The following RPS6KC1 variants were observed in gnomAD, a reference collection of about 807,000 sequenced individuals.
RPS6KC1 encodes the protein ribosomal protein S6 kinase C1.
In RPS6KC1, 54 loss-of-function variants were observed where a neutral mutation model predicts 103.8. That is an observed-to-expected ratio of 0.52 (90% CI 0.42 to 0.65). The LOEUF is 0.65. Among genes scored for constraint, RPS6KC1 ranks in the 30% least tolerant of loss-of-function variants. RPS6KC1 has a pLI of 0.00. For missense variants in RPS6KC1, 1,151 were observed against 1,253.8 expected (o/e 0.92, Z 1.24); for synonymous variants, 439 against 438.7 (o/e 1.00, Z -0.01).
intron 5 of RPS6KC1, among the ~76,000 whole-genome samples, chr1:213,128,169 T>C (rs574638744): frequency 2.6e-5 from 4 of 152,304 alleles, no homozygotes; most frequent in Non-Finnish European, 5.9e-5. Context: ...TGACAACAGA[T>C]TGTGAGCAGA....
the RPS6KC1 span, among the ~76,000 whole-genome samples, chr1:213,574,053 G>A: frequency 6.6e-6 from 1 of 152,238 alleles, no homozygotes; most frequent in Non-Finnish European, 1.5e-5. Context: ...GGTAAGGAGT[G>A]CAAATCAGAA....
chr1:213,198,062 C>G (rs1002328170), intron 8 of RPS6KC1, among the ~76,000 whole-genome samples: 6 of 151,822 alleles, frequency 4.0e-5, no homozygotes, highest in Non-Finnish European at 8.8e-5. Context: ...GAGATGTATG[C>G]TTTAAGAAGG....
chr1:213,521,672 G>T, the RPS6KC1 span, among the ~76,000 whole-genome samples: 1,657 of 152,196 alleles, frequency 0.011, 26 homozygotes, highest in African/African-American at 0.035. Context: ...TTAAATTCTT[G>T]TTGTTATTTC....
chr1:213,695,655 C>A, the RPS6KC1 span, among the ~76,000 whole-genome samples: 1 of 152,234 alleles, frequency 6.6e-6, no homozygotes, highest in South Asian at 2.1e-4. Context: ...TATAGGATCA[C>A]AGGTCCAGCT....
At chr1:213,494,640 A>G in the RPS6KC1 span, among the ~76,000 whole-genome samples, 1 of 152,172 alleles carries the variant, frequency 6.6e-6, no homozygotes, top group East Asian at 1.9e-4. Flanking sequence ...GAAAAATATG[A>G]GCAAGAAAAT....
chr1:213,484,206 A>G, the RPS6KC1 span, among the ~76,000 whole-genome samples: 29 of 152,264 alleles, frequency 1.9e-4, no homozygotes, highest in Non-Finnish European at 2.5e-4. Flanking sequence ...CTATCACTGC[A>G]TAACCAGTTA....
At chr1:213,203,039 G>A (rs1005730826) in intron 8 of RPS6KC1, among the ~76,000 whole-genome samples, 5 of 151,790 alleles carry the variant, frequency 3.3e-5, no homozygotes, top group Admixed American at 2.6e-4. Flanking sequence ...GGAGATTATG[G>A]GTCAAACAGT....
At chr1:213,795,459 A>G in the RPS6KC1 span, among the ~76,000 whole-genome samples, 3 of 152,194 alleles carry the variant, frequency 2.0e-5, 1 homozygote, top group Admixed American at 1.3e-4. Flanking sequence ...AAATGAATAG[A>G]TGCTTTCTCT....
At chr1:213,728,004 A>G in the RPS6KC1 span, among the ~76,000 whole-genome samples, 7 of 152,186 alleles carry the variant, frequency 4.6e-5, no homozygotes, top group African/African-American at 1.7e-4. Flanking sequence ...GACAAAGGGA[A>G]GAGAGTCACA....
chr1:213,837,594 A>T, the RPS6KC1 span, among the ~76,000 whole-genome samples: 1 of 152,146 alleles, frequency 6.6e-6, no homozygotes, highest in Non-Finnish European at 1.5e-5. Flanking sequence ...AGAGACACAC[A>T]AGCAGAATTT....
intron 10 of RPS6KC1, among the ~76,000 whole-genome samples, chr1:213,235,558 G>A (rs746138852): frequency 1.3e-5 from 2 of 152,130 alleles, no homozygotes; most frequent in Non-Finnish European, 2.9e-5. Context: ...AGGGAGCATT[G>A]TGGATATGTA....
downstream of RPS6KC1, among the ~76,000 whole-genome samples, chr1:213,275,766 A>G (rs187521823): frequency 2.7e-4 from 41 of 152,308 alleles, no homozygotes; most frequent in African/African-American, 9.6e-4. Flanking sequence ...GTAATATACA[A>G]TATGTCGTTA....
chr1:213,793,933 C>T, the RPS6KC1 span, among the ~76,000 whole-genome samples: 6 of 151,910 alleles, frequency 3.9e-5, no homozygotes, highest in Non-Finnish European at 5.9e-5. Flanking sequence ...GTGATAATAA[C>T]GAAGACAGTG....
the RPS6KC1 span, among the ~76,000 whole-genome samples, chr1:213,779,763 G>T: frequency 1.3e-5 from 2 of 152,146 alleles, no homozygotes; most frequent in Admixed American, 1.3e-4. Context: ...TAGTCAAAAG[G>T]GTGGAACTAG....
the RPS6KC1 span, among the ~76,000 whole-genome samples, chr1:213,514,927 G>A: frequency 6.6e-6 from 1 of 152,130 alleles, no homozygotes; most frequent in African/African-American, 2.4e-5. Flanking sequence ...CATTCTAACT[G>A]GTGTGGGATG....
the RPS6KC1 span, among the ~76,000 whole-genome samples, chr1:213,318,256 C>T: frequency 0.038 from 5,789 of 152,288 alleles, 362 homozygotes; most frequent in African/African-American, 0.13. Flanking sequence ...TTTACAGCTG[C>T]GTTTTCCTCT....
At chr1:213,601,191 G>T in the RPS6KC1 span, among the ~76,000 whole-genome samples, 1 of 151,908 alleles carries the variant, frequency 6.6e-6, no homozygotes, top group Non-Finnish European at 1.5e-5. Context: ...ATTTGAGGCA[G>T]TGGTTCATAT....
chr1:213,717,865 C>T, the RPS6KC1 span, among the ~76,000 whole-genome samples: 1 of 152,266 alleles, frequency 6.6e-6, no homozygotes, highest in South Asian at 2.1e-4. Flanking sequence ...AGCCTCTTCC[C>T]AGAGCTTCAG....
At chr1:213,745,909 G>A in the RPS6KC1 span, among the ~76,000 whole-genome samples, 10 of 152,072 alleles carry the variant, frequency 6.6e-5, no homozygotes, top group South Asian at 4.2e-4. Context: ...TCCTGTACCC[G>A]GGACCCTGTG....
Sources: gnomAD v4.1 joint callset for allele counts (sites outside exome capture counted in the v4.1 genomes callset) on GRCh38, gnomAD v4.1.1 for gene constraint, MANE v1.5 for transcripts, NCBI Gene and HGNC (gene_info 2026-07-23, HGNC 2026-07-21) for gene names.